The following ETV1 variants were observed in gnomAD, a reference collection of about 807,000 sequenced individuals.
ETV1 encodes ETS translocation variant 1.
A neutral mutation model predicts 62.3 loss-of-function variants in ETV1; 27 were observed. That is an observed-to-expected ratio of 0.43 (90% CI 0.32 to 0.60). The LOEUF (loss-of-function observed/expected upper bound fraction) is 0.60, where lower values mean the gene tolerates loss of function less well. Ranked by LOEUF, ETV1 falls within the 20% of genes least tolerant of loss-of-function variation. The pLI, the probability that ETV1 is intolerant of heterozygous loss-of-function variation, is 0.06. For synonymous variants in ETV1, 222 were observed against 199.6 expected (o/e 1.11, Z -0.94); for missense variants, 605 against 605.8 (o/e 1.00, Z 0.01).
chr7:13,944,181 C>T (rs1254263965), intron 6 of ETV1, among the ~76,000 whole-genome samples: 1 of 152,158 alleles, frequency 6.6e-6, no homozygotes, highest in Non-Finnish European at 1.5e-5. Context: ...AGTGAGTTTC[C>T]CGAAGTGACC....
chr7:13,932,115 G>A (rs17136421), intron 8 of ETV1, among the ~76,000 whole-genome samples: 4 of 151,580 alleles, frequency 2.6e-5, no homozygotes, highest in South Asian at 2.1e-4. Flanking sequence ...ATTGGATCAC[G>A]GATAATTTCC....
At chr7:13,939,040 T>C (rs1787153723) in intron 7 of ETV1, 77 bp downstream of exon 7, 2 of 1,405,292 alleles carry the variant, frequency 1.4e-6, no homozygotes, top group East Asian at 4.7e-5. Context: ...AAAATATGAC[T>C]TGAGATTTCA....
intron 11 of ETV1, among the ~76,000 whole-genome samples, chr7:13,908,463 A>T (rs1168352513): frequency 1.3e-5 from 2 of 152,172 alleles, no homozygotes; most frequent in East Asian, 3.9e-4. Context: ...TCTAAGAGAA[A>T]ATGCTATATT....
chr7:13,974,931 T>C lies in ETV1; in HGVS notation c.235+2496A>G, dbSNP rs1003484461. ...AGCAAGTCCAGAGGTGTTGCCTTTT[T>C]CTAATCTGCACAGGGACACTAGCAG... On this transcript the variant is annotated intron_variant, in intron 6 of 13. Coordinates refer to ENST00000430479, the MANE Select transcript of ETV1 (RefSeq NM_004956.5). The C allele has an allele frequency of 4.6e-5, 7 of 152,380 alleles. No individual in the cohort carries two copies. In the East Asian group the frequency reaches 1.2e-3, roughly 25 times the overall value. 9.4% of individuals were successfully genotyped at this position (152,380 alleles called of 1,614,324 possible).
chr7:13,909,496 T>C (rs897592108), intron 11 of ETV1, 136 bp downstream of exon 11: 11 of 688,550 alleles, frequency 1.6e-5, no homozygotes, highest in Non-Finnish European at 2.6e-5. Flanking sequence ...TAGGTCAACG[T>C]TGGCTAAAAT....
At chr7:13,938,120 T>G (rs1787026397) in intron 7 of ETV1, among the ~76,000 whole-genome samples, 1 of 152,172 alleles carries the variant, frequency 6.6e-6, no homozygotes, top group Non-Finnish European at 1.5e-5. Context: ...TAATTTTGTA[T>G]TTTCAGTAGA....
chr7:13,987,956 A>G (rs1782698875), intron 4 of ETV1, 130 bp downstream of exon 4: 3 of 613,400 alleles, frequency 4.9e-6, no homozygotes, highest in East Asian at 2.8e-5. Flanking sequence ...GTTCCAAGTT[A>G]AAGTCTTAGT....
At chr7:13,985,692 A>G (rs2214684) in intron 5 of ETV1, among the ~76,000 whole-genome samples, 87,065 of 151,938 alleles carry the variant, frequency 0.57, 25,287 homozygotes, top group African/African-American at 0.63. Flanking sequence ...CAATGCTTAA[A>G]TATCTATAAT....
At chr7:13,934,371 A>T (rs1249322743) in intron 8 of ETV1, among the ~76,000 whole-genome samples, 2 of 152,212 alleles carry the variant, frequency 1.3e-5, no homozygotes, top group Non-Finnish European at 2.9e-5. Context: ...GAGTTTCTGA[A>T]TTTGAGATTG....
intron 12 of ETV1, among the ~76,000 whole-genome samples, chr7:13,901,709 G>A (rs761278138): frequency 5.3e-5 from 8 of 152,246 alleles, no homozygotes; most frequent in Admixed American, 1.3e-4. Flanking sequence ...AGCAGCAGCC[G>A]AATAAAACTG....
chr7:13,946,177 A>G (rs1788139110), intron 6 of ETV1, among the ~76,000 whole-genome samples: 1 of 152,240 alleles, frequency 6.6e-6, no homozygotes, highest in Non-Finnish European at 1.5e-5. Context: ...CAGACAGGTC[A>G]GATAATTTAT....
chr7:13,945,713 A>G (rs1788078470), intron 6 of ETV1, among the ~76,000 whole-genome samples: 1 of 152,180 alleles, frequency 6.6e-6, no homozygotes, highest in Non-Finnish European at 1.5e-5. Flanking sequence ...GCTGAGTTGA[A>G]AACGTGTTGG....
At chr7:13,976,402 T>C (rs1347474006) in intron 6 of ETV1, among the ~76,000 whole-genome samples, 1 of 152,228 alleles carries the variant, frequency 6.6e-6, no homozygotes, top group African/African-American at 2.4e-5. Flanking sequence ...AATTTCTTTA[T>C]AACCAAGCTG....
chr7:13,972,302 C>T (rs536965697), intron 6 of ETV1, among the ~76,000 whole-genome samples: 2 of 151,998 alleles, frequency 1.3e-5, no homozygotes, highest in African/African-American at 2.4e-5. Context: ...CATGGTGGTG[C>T]GTGCCTGTAG....
chr7:13,974,366 G>A (rs573208532), intron 6 of ETV1, among the ~76,000 whole-genome samples: 182 of 152,350 alleles, frequency 1.2e-3, no homozygotes, highest in African/African-American at 4.0e-3. Context: ...AGTTTAAACC[G>A]AAAGGACAGT....
chr7:13,955,102 C>T (rs1789263585), intron 6 of ETV1, among the ~76,000 whole-genome samples: 1 of 152,160 alleles, frequency 6.6e-6, no homozygotes, highest in East Asian at 1.9e-4. Flanking sequence ...CTTGCAAAAA[C>T]ATTTTATTTG....
In ETV1 at chr7:13,944,277, A is replaced by G. The variant is rs528293986; in HGVS notation, c.236-5031T>C. On this transcript the variant is annotated intron_variant, in intron 6 of 13. Transcript: ENST00000430479. ...TATGGTTTATAAACAACAGGTATTT[A>G]TTGCTCACAGTTCTGGAAGCTGGGA... 5.9e-5 allele frequency among the ~76,000 whole-genome samples: 9 copies of G among 152,322 alleles called. No homozygotes were observed. In the South Asian group the frequency reaches 1.9e-3, roughly 32 times the overall value.
At position 13,989,159 on chromosome 7, in the gene ETV1, CT is replaced by C; in HGVS notation, c.-87-21del. 2.3e-6 allele frequency: 2 copies of C among 888,010 alleles called. No homozygotes were observed. The highest frequency in any genetic ancestry group is 1.7e-6 in the Non-Finnish European group (1 of 599,430). 55.0% of individuals were successfully genotyped at this position (888,010 alleles called of 1,614,324 possible). On this transcript the variant is annotated intron_variant, in intron 2 of 13. Transcript: ENST00000430479. ...ATCAACCTAGAGGGGAACAAGATGG[CT>C]TTTAGGCTTAAAAAAAAATCATGAA... is the stretch of plus-strand genomic sequence containing the variant.
At chr7:13,914,643 C>A in intron 9 of ETV1, among the ~76,000 whole-genome samples, 1 of 149,494 alleles carries the variant, frequency 6.7e-6, no homozygotes. Context: ...AAAAAGTTAC[C>A]TTCTTCTCTG....
Sources: gnomAD v4.1 joint callset for allele counts (sites outside exome capture counted in the v4.1 genomes callset) on GRCh38, gnomAD v4.1.1 for gene constraint, MANE v1.5 for transcripts, NCBI Gene and HGNC (gene_info 2026-07-23, HGNC 2026-07-21) for gene names.